Variants in STEEP1 observed in about 807,000 individuals in gnomAD.
STEEP1 encodes STING ER exit protein.
STEEP1 carries 3 observed loss-of-function variants against 19.2 expected under a neutral mutation model. The observed-to-expected ratio is 0.16, with a 90% CI of 0.07 to 0.40. The LOEUF (loss-of-function observed/expected upper bound fraction) is 0.40. STEEP1 is among the 10% of genes least tolerant of loss of function. STEEP1 has a pLI of 0.99. For synonymous variants in STEEP1, 46 were observed against 63.7 expected (o/e 0.72, Z 1.32); for missense variants, 54 against 177.1 (o/e 0.30, Z 3.94).
At chrX:119,555,295 C>CAGAT (rs1209356293) in intron 2 of STEEP1, among the ~76,000 whole-genome samples, 1 of 108,752 alleles carries the variant, frequency 9.2e-6, no homozygotes, top group South Asian at 4.0e-4. Context: ...TGAAGATGGA[C>CAGAT]AGATCATAGA....
chrX:119,546,599 T>C (rs1163737585), intron 2 of STEEP1, among the ~76,000 whole-genome samples: 9 of 110,478 alleles, frequency 8.1e-5, no homozygotes, highest in Non-Finnish European at 1.7e-4. Flanking sequence ...GAAGCAGAGG[T>C]TGAATTTAAG....
intron 2 of STEEP1, among the ~76,000 whole-genome samples, chrX:119,546,853 C>T (rs999732979): frequency 2.7e-5 from 3 of 111,899 alleles, no homozygotes; most frequent in African/African-American, 9.7e-5. Context: ...CCTACACCAC[C>T]ATTATCAACT....
At chrX:119,545,427 C>A (rs769368904) in intron 3 of STEEP1, 36 bp downstream of exon 3, 2 of 996,983 alleles carry the variant, frequency 2.0e-6, no homozygotes, top group Admixed American at 4.4e-5. Context: ...CCTCTACTTG[C>A]CTATGCTTGG....
intron 2 of STEEP1, among the ~76,000 whole-genome samples, chrX:119,551,991 C>A (rs766093673): frequency 1.0e-4 from 11 of 108,562 alleles, no homozygotes; most frequent in Non-Finnish European, 1.9e-4. Flanking sequence ...ACCTCCGCCT[C>A]CCAGGTTCAA....
At chrX:119,544,905 C>T (rs1040498465) in intron 3 of STEEP1, among the ~76,000 whole-genome samples, 3 of 110,295 alleles carry the variant, frequency 2.7e-5, no homozygotes, top group Non-Finnish European at 3.8e-5. Context: ...CATGCCACTG[C>T]ACTCCAGCCT....
intron 5 of STEEP1, 149 bp downstream of exon 5, chrX:119,542,356 A>G: frequency 2.4e-6 from 1 of 423,869 alleles, no homozygotes; most frequent in Admixed American, 4.0e-5. Flanking sequence ...GTGAGCCACC[A>G]CACCCAGCCC....
rs777462233 is a variant in STEEP1, at chrX:119,562,349, T to C, written c.125-1964A>G. ...GAGTTTGAGACCGGCCTGACCAACA[T>C]GGAGAAACCCTGTCTCTACTAAAAA... On this transcript the variant is annotated intron_variant, in intron 1 of 6. Transcript: ENST00000644802. 8.1e-5 allele frequency among the ~76,000 whole-genome samples: 9 copies of C among 111,170 alleles called. No homozygotes were observed. The South Asian group carries it at 3.4e-3, about 42-fold the overall frequency.
intron 2 of STEEP1, among the ~76,000 whole-genome samples, chrX:119,558,253 G>A (rs1020300324): frequency 3.6e-5 from 4 of 111,076 alleles, no homozygotes; most frequent in Admixed American, 1.9e-4. Flanking sequence ...ATACACTGGC[G>A]GCCGGGCACG....
At chrX:119,555,108 C>CA (rs60756610) in intron 2 of STEEP1, among the ~76,000 whole-genome samples, 50 of 93,359 alleles carry the variant, frequency 5.4e-4, no homozygotes, top group South Asian at 2.0e-3. Flanking sequence ...GACCCTGCCT[C>CA]AAAAAAAAAA....
chrX:119,549,599 T>A (rs2053230662), intron 2 of STEEP1, among the ~76,000 whole-genome samples: 1 of 112,107 alleles, frequency 8.9e-6, no homozygotes, highest in Non-Finnish European at 1.9e-5. Context: ...ACTGGATAAT[T>A]TATAAATAAA....
intron 3 of STEEP1, 51 bp downstream of exon 3, chrX:119,545,412 T>C (rs1270858746): frequency 1.3e-6 from 1 of 793,656 alleles, no homozygotes; most frequent in Non-Finnish European, 1.9e-6. Context: ...TCCTAACACA[T>C]TATGCCTCTA....
At chrX:119,559,144 G>A (rs770475579) in intron 2 of STEEP1, among the ~76,000 whole-genome samples, 130 of 110,053 alleles carry the variant, frequency 1.2e-3, no homozygotes, top group African/African-American at 3.9e-3. Flanking sequence ...CTTGAACCTG[G>A]GAGGCGGAGG....
Position 119,539,598 on chromosome X carries a change from G to A in STEEP1, c.*129C>T. 1 of 469,263 alleles carries A rather than the reference G, an allele frequency of 2.1e-6. No individual in the cohort carries two copies. The highest frequency in any genetic ancestry group is 3.7e-6 in the Non-Finnish European group (1 of 271,604). The allele number at this position is 469,263 out of a possible 1,213,427, so 38.7% of individuals were successfully genotyped here. A position where few individuals can be genotyped will look rare whatever the true frequency, so the allele number is the denominator to read the frequency against. On this transcript the variant is annotated 3_prime_UTR_variant, in exon 7 of 7. Coordinates refer to ENST00000644802, the MANE Select transcript of STEEP1 (RefSeq NM_022101.4). ...GTTAAAGACCTCACTGAATGTAGGA[G>A]AATCAATGGGAAACAACGTAAAGCC...
rs76631237 is a variant in STEEP1, at chrX:119,560,007, C to T, written c.242+261G>A. ...GAGGTTGCGGTAAGCCGAGGTCACA[C>T]CACTGCACTCCAGCCTGAGCAACAG... On this transcript the variant is annotated intron_variant, in intron 2 of 6. Coordinates refer to ENST00000644802, the MANE Select transcript of STEEP1 (RefSeq NM_022101.4). 9.3e-3 allele frequency among the ~76,000 whole-genome samples: 1,035 copies of T among 111,756 alleles called. 15 individuals are homozygous for T. The highest frequency in any genetic ancestry group is 0.032 in the African/African-American group (994 of 30,796).
At chrX:119,558,320 G>T (rs1221525792) in intron 2 of STEEP1, among the ~76,000 whole-genome samples, 1 of 110,764 alleles carries the variant, frequency 9.0e-6, no homozygotes, top group Non-Finnish European at 1.9e-5. Flanking sequence ...AGACCACGAG[G>T]TCAGGAGATC....
intron 1 of STEEP1, among the ~76,000 whole-genome samples, chrX:119,564,504 G>GT (rs1280591680): frequency 2.1e-4 from 3 of 14,368 alleles, no homozygotes; most frequent in Admixed American, 1.2e-3. Context: ...TGAAAAAAAA[G>GT]GGGGGGGGGA....
At chrX:119,561,007 T>G (rs1425059847) in intron 1 of STEEP1, among the ~76,000 whole-genome samples, 1 of 38,289 alleles carries the variant, frequency 2.6e-5, no homozygotes, top group Non-Finnish European at 5.6e-5. Flanking sequence ...GTCTCTGTTT[T>G]ACAAAAAAAA....
intron 2 of STEEP1, among the ~76,000 whole-genome samples, chrX:119,553,217 AAAAC>A (rs759965813): frequency 2.2e-4 from 14 of 62,389 alleles, no homozygotes; most frequent in Non-Finnish European, 4.6e-4. Flanking sequence ...CATTCGCATT[AAAAC>A]AAACAAACAA....
chrX:119,564,183 G>A (rs779714502), intron 1 of STEEP1, among the ~76,000 whole-genome samples: 1 of 111,449 alleles, frequency 9.0e-6, no homozygotes, highest in South Asian at 3.7e-4. Context: ...GTCTGAGAGA[G>A]AAAAGGGAGC....
Sources: gnomAD v4.1 joint callset for allele counts (sites outside exome capture counted in the v4.1 genomes callset) on GRCh38, gnomAD v4.1.1 for gene constraint, MANE v1.5 for transcripts, NCBI Gene and HGNC (gene_info 2026-07-23, HGNC 2026-07-21) for gene names.